Variants in FAM217A observed in about 807,000 individuals in gnomAD.
The protein encoded by FAM217A is protein FAM217A.
FAM217A carries 13 observed loss-of-function variants against 18.5 expected under a neutral mutation model. The ratio of observed to expected loss-of-function variants is 0.70; its 90% confidence interval spans 0.46 to 1.12. FAM217A has a LOEUF of 1.12. FAM217A is among the 50% of genes most tolerant of loss of function. The pLI is 0.00. For synonymous variants in FAM217A, 161 were observed against 202.8 expected (o/e 0.79, Z 1.75); for missense variants, 560 against 575.4 (o/e 0.97, Z 0.27).
rs149448787 is a variant in FAM217A, at chr6:4,069,572, G to T, written c.651C>A (p.Ser217Arg). 165 of 1,613,998 alleles carry T rather than the reference G, an allele frequency of 1.0e-4. 1 individual carries two copies. In the African/African-American group the frequency reaches 2.0e-3, roughly 19 times the overall value. Residue 217 changes from serine to arginine, a missense_variant, in exon 7 of 7, where the codon AGC becomes AGA. Coordinates refer to ENST00000274673, the MANE Select transcript of FAM217A (RefSeq NM_173563.3). ...AGTTCAGGTCCACCTTTTTAAAATAGCTGAGTAAAGTATCATTTGTCTTCT... is the reference window on the plus strand; with the variant it reads ...AGTTCAGGTCCACCTTTTTAAAATATCTGAGTAAAGTATCATTTGTCTTCT... Reference protein sequence around the residue: ...ENEKTNDTLLSYFKKVDLNLK... With the variant: ...ENEKTNDTLLRYFKKVDLNLK...
At chr6:4,084,235 T>A (rs889165927) in intron 2 of FAM217A, among the ~76,000 whole-genome samples, 6 of 152,354 alleles carry the variant, frequency 3.9e-5, no homozygotes, top group African/African-American at 7.2e-5. Context: ...AATGTCCTAT[T>A]TGGGAGGCCA....
upstream of FAM217A, among the ~76,000 whole-genome samples, chr6:4,081,530 T>C (rs1770300642): frequency 6.6e-6 from 1 of 152,330 alleles, no homozygotes; most frequent in African/African-American, 2.4e-5. Flanking sequence ...CAGGCTGGTC[T>C]CGAACTCCTG....
In FAM217A at chr6:4,073,468, G is replaced by A. The variant is rs762409509; in HGVS notation, c.199C>T (p.Pro67Ser). ...EIPVEQLMLEPNLSVHSQKST... is the reference protein window; with the variant it reads ...EIPVEQLMLESNLSVHSQKST... The stretch of plus-strand genomic sequence containing the variant: ...TTTTGACTATGCACCGACAAATTAG[G>A]TTCTAGCATCAGTTGCTCCACTGGA... The change falls in exon 5 of 7, where the codon CCT (proline) becomes TCT (serine). Residue 67 changes from proline (P) to serine (S), a missense_variant. Transcript: ENST00000274673. 14 of 1,613,378 alleles carry A rather than the reference G, an allele frequency of 8.7e-6. No homozygotes were observed. Among genetic ancestry groups the A allele is most frequent in the South Asian group, 1.1e-5 (1 of 91,000 alleles).
At chr6:4,071,475 GA>G (rs1769407958) in intron 6 of FAM217A, among the ~76,000 whole-genome samples, 1 of 152,204 alleles carries the variant, frequency 6.6e-6, no homozygotes, top group Admixed American at 6.5e-5. Context: ...ACCTTTTGCA[GA>G]TAAGGGAACG....
At position 4,084,374 on chromosome 6, in the gene FAM217A, C is replaced by T. The variant is rs140405662; in HGVS notation, c.251+204G>A. Among the ~76,000 whole-genome samples the T allele has an allele frequency of 2.4e-3, 359 of 152,292 alleles. 2 individuals are homozygous for T. The highest frequency in any genetic ancestry group is 8.2e-3 in the African/African-American group (340 of 41,546). The stretch of plus-strand genomic sequence containing the variant: ...CATCAATCACTGAATTTCACATCTG[C>T]GTATGTTGCAGCTAGTGCTTTTGAA... On this transcript the variant is annotated intron_variant, in intron 2 of 8. Transcript: ENST00000639338.
rs964660905 is a variant in FAM217A at position 4,084,907 on chromosome 6, T to C, written c.19-97A>G. 5 of 642,116 alleles carry C rather than the reference T, an allele frequency of 7.8e-6. 1 individual carries two copies. The highest frequency in any genetic ancestry group is 7.2e-5 in the South Asian group (4 of 55,578). The allele number at this position is 642,116 out of a possible 1,614,324, so 39.8% of individuals were successfully genotyped here. A position where few individuals can be genotyped will look rare whatever the true frequency, so the allele number is the denominator to read the frequency against. On this transcript the variant is annotated intron_variant, in intron 1 of 8. Transcript: ENST00000639338. Reference sequence around the variant, plus strand: ...ACCCAGAGTCATGCAGCTGCTGCGCTGCGGGATCAATTTTAGTTAATAATA... The same window carrying C: ...ACCCAGAGTCATGCAGCTGCTGCGCCGCGGGATCAATTTTAGTTAATAATA...
rs1385794293 is a variant in FAM217A, at chr6:4,069,626, G to T, written c.597C>A (p.Phe199Leu). 6.2e-7 allele frequency: 1 copy of T among 1,614,010 alleles called. No homozygotes were observed. Among genetic ancestry groups the T allele is most frequent in the Non-Finnish European group, 8.5e-7 (1 of 1,180,034 alleles). ...TTTCTGATAAATCACTTTCATCTGT[G>T]AAATTTTCTTCCACACTGCTGTTTC... ...KHGNSSVEENFTDESDLSENE... is the reference protein window; with the variant it reads ...KHGNSSVEENLTDESDLSENE... Residue 199 changes from phenylalanine to leucine, a missense_variant, in exon 7 of 7, where the codon TTC (phenylalanine) becomes TTA (leucine). Transcript: ENST00000274673.
intron 6 of FAM217A, 98 bp from the exon 7 acceptor site, chr6:4,070,018 T>A: frequency 1.1e-6 from 1 of 912,014 alleles, no homozygotes; most frequent in Non-Finnish European, 1.6e-6. Context: ...GATTGGTTAA[T>A]GTTTAGTTCC....
At chr6:4,080,238 CAGAA>C (rs1581898907), upstream of FAM217A, among the ~76,000 whole-genome samples, 1 of 152,194 alleles carries the variant, frequency 6.6e-6, no homozygotes, top group East Asian at 1.9e-4. Flanking sequence ...ATTTTCTCCT[CAGAA>C]AGACCTTCCC....
Position 4,077,450 on chromosome 6 carries a change from TAC to T in FAM217A, c.-34-4_-34-3del. ...CTGTTGCTCTGTTTCCTTAAAATCC[TAC>T]ACAGATTGCGGGATAGGCACATTTA... is the stretch of plus-strand genomic sequence containing the variant. On this transcript the variant is annotated splice_polypyrimidine_tract_variant and splice_region_variant and intron_variant, in intron 1 of 6. Coordinates refer to ENST00000274673, the MANE Select transcript of FAM217A (RefSeq NM_173563.3). 6.2e-7 allele frequency: 1 copy of T among 1,610,096 alleles called. No individual in the cohort carries two copies. Among genetic ancestry groups the T allele is most frequent in the Non-Finnish European group, 8.5e-7 (1 of 1,176,348 alleles).
chr6:4,078,953 C>G lies in FAM217A; in HGVS notation c.-136G>C, dbSNP rs548145268. 3 of 545,158 alleles carry G rather than the reference C, an allele frequency of 5.5e-6. No individual in the cohort carries two copies. Among genetic ancestry groups the G allele is most frequent in the Non-Finnish European group, 9.7e-6 (3 of 308,742 alleles). The allele number at this position is 545,158 out of a possible 1,614,324, so 33.8% of individuals were successfully genotyped here. A position where few individuals can be genotyped will look rare whatever the true frequency, so the allele number is the denominator to read the frequency against. ...TGGCTGACGGCTTGGAGGGCGCCCC[C>G]TCTGCCGCGGCCTTCCTGCAGCGGG... is the stretch of plus-strand genomic sequence containing the variant. On this transcript the variant is annotated 5_prime_UTR_variant, in exon 1 of 7. Transcript: ENST00000274673.
chr6:4,069,938 ATTAATGAAT>A lies in FAM217A; in HGVS notation c.303-27_303-19del, dbSNP rs1376152895. On this transcript the variant is annotated intron_variant, in intron 6 of 6. Coordinates refer to ENST00000274673, the MANE Select transcript of FAM217A (RefSeq NM_173563.3). ...TGAATTCCCTTTAAAAAATAATTTA[ATTAATGAAT>A]GGTTTATTGACTAGAATTAAAATGC... 6.8e-7 allele frequency: 1 copy of A among 1,476,002 alleles called. No homozygotes were observed. The highest frequency in any genetic ancestry group is 9.2e-7 in the Non-Finnish European group (1 of 1,086,436). The allele number at this position is 1,476,002 out of a possible 1,614,324, so 91.4% of individuals were successfully genotyped here.
At chr6:4,074,548 T>C in intron 3 of FAM217A, 29 bp downstream of exon 3, 2 of 1,586,588 alleles carry the variant, frequency 1.3e-6, no homozygotes, top group Non-Finnish European at 1.7e-6. Flanking sequence ...ATTCTTTCAG[T>C]ATAAGTATAC....
intron 2 of FAM217A, 57 bp downstream of exon 2, chr6:4,077,298 C>A (rs1007638057): frequency 7.3e-5 from 114 of 1,566,540 alleles, no homozygotes; most frequent in Non-Finnish European, 9.3e-5. Context: ...ATGGGAGTTA[C>A]GTGTTAGCAA....
chr6:4,076,913 A>G (rs1307585841), intron 2 of FAM217A, among the ~76,000 whole-genome samples: 1 of 152,162 alleles, frequency 6.6e-6, no homozygotes, highest in Non-Finnish European at 1.5e-5. Flanking sequence ...ACAAAAAATT[A>G]ACATAACCAA....
chr6:4,084,948 C>G, intron 1 of FAM217A: 1 of 605,850 alleles, frequency 1.7e-6, no homozygotes, highest in Non-Finnish European at 2.9e-6. Context: ...CTGGCACCTA[C>G]GTGGGCTGCT....
intron 2 of FAM217A, 67 bp from the exon 3 acceptor site, chr6:4,074,728 A>T: frequency 8.3e-7 from 1 of 1,204,574 alleles, no homozygotes; most frequent in Non-Finnish European, 1.2e-6. Context: ...ATAATTTCAC[A>T]TGTTCTTGGG....
rs1344969470 is a variant in FAM217A, at chr6:4,069,387, G to T, written c.836C>A (p.Ala279Glu). 1.2e-6 allele frequency: 2 copies of T among 1,614,020 alleles called. No homozygotes were observed. Among genetic ancestry groups the T allele is most frequent in the Non-Finnish European group, 1.7e-6 (2 of 1,180,026 alleles). Residue 279 changes from alanine to glutamate, a missense_variant, in exon 7 of 7, where the codon GCA becomes GAA. By Grantham distance (107) the Ala-to-Glu change is moderately radical. Coordinates refer to ENST00000274673, the MANE Select transcript of FAM217A (RefSeq NM_173563.3). ...SDNWKVTVDP[A>E]ETSVEHLITR... The stretch of plus-strand genomic sequence containing the variant: ...TATCAAGTGTTCAACAGAGGTTTCT[G>T]CAGGGTCCACTGTCACTTTCCAATT...
At chr6:4,079,371 G>A, upstream of FAM217A, 4 of 273,506 alleles carry the variant, frequency 1.5e-5, no homozygotes, top group South Asian at 1.2e-4. Flanking sequence ...GGGCTGCGCA[G>A]CCCACTCGGC....
Sources: gnomAD v4.1 joint callset for allele counts (sites outside exome capture counted in the v4.1 genomes callset) on GRCh38, gnomAD v4.1.1 for gene constraint, MANE v1.5 for transcripts, NCBI Gene and HGNC (gene_info 2026-07-23, HGNC 2026-07-21) for gene names.